The following B3GALNT2 variants were observed in gnomAD, a reference collection of about 807,000 sequenced individuals.
B3GALNT2 encodes the protein beta-1,3-N-acetylgalactosaminyltransferase 2.
In B3GALNT2, 53 loss-of-function variants were observed where a neutral mutation model predicts 61.1. The observed-to-expected ratio is 0.87, with a 90% CI of 0.70 to 1.09. The LOEUF (loss-of-function observed/expected upper bound fraction) is 1.09. Ranked by LOEUF, B3GALNT2 falls within the 50% of genes least tolerant of loss-of-function variation. The pLI is 0.00. For missense variants in B3GALNT2, 544 were observed against 623.0 expected (o/e 0.87, Z 1.35); for synonymous variants, 223 against 237.4 (o/e 0.94, Z 0.56).
the B3GALNT2 span, chr1:235,441,977 C>A: frequency 1.4e-5 from 15 of 1,083,968 alleles, no homozygotes; most frequent in East Asian, 2.5e-5. Flanking sequence ...CTCTTAAGTA[C>A]CTAAGTAAAT....
chr1:235,471,098 T>C (rs1683983149), intron 5 of B3GALNT2, 138 bp from the exon 6 acceptor site: 5 of 1,437,054 alleles, frequency 3.5e-6, no homozygotes, highest in Admixed American at 2.6e-5. Flanking sequence ...AACTCTGACA[T>C]ACCACTGTTA....
At chr1:235,457,396 T>G (rs1470685419) in intron 8 of B3GALNT2, among the ~76,000 whole-genome samples, 2 of 152,100 alleles carry the variant, frequency 1.3e-5, no homozygotes, top group African/African-American at 4.8e-5. Flanking sequence ...GTTTGAAAGT[T>G]TTGGCTCCAT....
intron 1 of B3GALNT2, among the ~76,000 whole-genome samples, chr1:235,497,859 G>A (rs1218111276): frequency 6.6e-6 from 1 of 152,128 alleles, no homozygotes; most frequent in Non-Finnish European, 1.5e-5. Context: ...AGATAACCAT[G>A]TGACATGTGA....
chr1:235,481,451 C>A (rs1684561364), intron 4 of B3GALNT2, among the ~76,000 whole-genome samples: 1 of 152,136 alleles, frequency 6.6e-6, no homozygotes, highest in Admixed American at 6.5e-5. Flanking sequence ...TCAAGTGATC[C>A]TCCCACCTCA....
At chr1:235,491,703 T>C (rs1685079568) in intron 2 of B3GALNT2, among the ~76,000 whole-genome samples, 1 of 152,138 alleles carries the variant, frequency 6.6e-6, no homozygotes, top group South Asian at 2.1e-4. Flanking sequence ...TCTCTGTAGA[T>C]CAGCCCCTCA....
intron 11 of B3GALNT2, 125 bp downstream of exon 11, chr1:235,452,965 C>G: frequency 1.2e-6 from 1 of 843,242 alleles, no homozygotes; most frequent in Non-Finnish European, 1.9e-6. Context: ...ATTCTAAAAT[C>G]CAAAAAAATC....
At chr1:235,492,601 A>G (rs1283083253) in intron 2 of B3GALNT2, among the ~76,000 whole-genome samples, 1 of 152,228 alleles carries the variant, frequency 6.6e-6, no homozygotes, top group African/African-American at 2.4e-5. Flanking sequence ...AAAAACCTGA[A>G]GCCCCAATGC....
chr1:235,481,619 C>T (rs537054924), intron 4 of B3GALNT2, among the ~76,000 whole-genome samples: 4 of 152,196 alleles, frequency 2.6e-5, no homozygotes, highest in African/African-American at 7.2e-5. Flanking sequence ...GCTGGGATTA[C>T]AGGCGTGAGC....
At chr1:235,481,682 A>C (rs115542174) in intron 4 of B3GALNT2, among the ~76,000 whole-genome samples, 1 of 152,196 alleles carries the variant, frequency 6.6e-6, no homozygotes, top group African/African-American at 2.4e-5. Context: ...TAAGATAAAC[A>C]AGTGTATCAA....
chr1:235,468,253 C>G (rs112515743), intron 6 of B3GALNT2, among the ~76,000 whole-genome samples: 2 of 152,144 alleles, frequency 1.3e-5, no homozygotes. Context: ...CTCAGCTGTA[C>G]GCATTTGTGA....
At position 235,470,734 on chromosome 1, in the gene B3GALNT2, AAC is replaced by A. The variant is rs540473438; in HGVS notation, c.762+114_762+115del. ...ACATTTGCTACTATATATGTTGTAAAACACACAAGAATCATTGCTCCATGCTG... is the reference window on the plus strand; with the variant it reads ...ACATTTGCTACTATATATGTTGTAAAACACAAGAATCATTGCTCCATGCTG... On this transcript the variant is annotated intron_variant, in intron 6 of 11. Transcript: ENST00000366600. 4.1e-4 allele frequency: 592 copies of A among 1,428,788 alleles called. 2 individuals carry two copies. In the African/African-American group the frequency reaches 7.9e-3, roughly 19 times the overall value. 88.5% of individuals were successfully genotyped at this position (1,428,788 alleles called of 1,614,324 possible).
intron 5 of B3GALNT2, among the ~76,000 whole-genome samples, chr1:235,477,749 C>T (rs749287177): frequency 3.3e-5 from 5 of 152,150 alleles, no homozygotes; most frequent in Admixed American, 2.0e-4. Context: ...GCTCTGTGCG[C>T]GGAGGGCAAA....
intron 2 of B3GALNT2, among the ~76,000 whole-genome samples, chr1:235,493,910 T>C (rs1253842755): frequency 2.0e-5 from 3 of 152,220 alleles, no homozygotes; most frequent in African/African-American, 7.2e-5. Flanking sequence ...TCAACTTCTA[T>C]GCGTTTCTTC....
intron 1 of B3GALNT2, among the ~76,000 whole-genome samples, chr1:235,498,145 G>C (rs1326352804): frequency 6.6e-6 from 1 of 152,166 alleles, no homozygotes; most frequent in East Asian, 1.9e-4. Context: ...CCTGAGTACT[G>C]TGTTACACAG....
rs1682818290 is a variant in B3GALNT2, at chr1:235,450,284, C to T, written c.1425G>A (p.Gln475=). Residue 475 remains glutamine (Q), a synonymous_variant, in exon 12 of 12, where the codon CAG becomes CAA. Coordinates refer to ENST00000366600, the MANE Select transcript of B3GALNT2 (RefSeq NM_152490.5). The part of the protein sequence containing the change: ...TCETGMLSSP[Q]YSPWELTELW... ...GTTCCGTCAGTTCCCACGGAGAATA[C>T]TGAGGAGAAGACAGCATTCCTGTCT... 3.7e-6 allele frequency: 6 copies of T among 1,613,988 alleles called. No homozygotes were observed. The highest frequency in any genetic ancestry group is 5.1e-6 in the Non-Finnish European group (6 of 1,179,858).
intron 3 of B3GALNT2, 72 bp from the exon 4 acceptor site, chr1:235,484,587 G>T: frequency 1.4e-6 from 2 of 1,473,418 alleles, no homozygotes; most frequent in East Asian, 2.5e-5. Flanking sequence ...AAGTAGTGAA[G>T]TGGGCTTAAT....
In B3GALNT2 at chr1:235,470,433, A is replaced by C. The variant is rs149972041; in HGVS notation, c.762+417T>G. Among the ~76,000 whole-genome samples, 966 of 152,122 alleles carry C rather than the reference A, an allele frequency of 6.4e-3. 7 individuals are homozygous for C. The highest frequency in any genetic ancestry group is 0.027 in the Middle Eastern group (8 of 294). The stretch of plus-strand genomic sequence containing the variant: ...TGGTGAAACCCCATCTCTACAAAAA[A>C]CACAAAAAGTTAGCTGGGTGTAGTG... On this transcript the variant is annotated intron_variant, in intron 6 of 11. Coordinates refer to ENST00000366600, the MANE Select transcript of B3GALNT2 (RefSeq NM_152490.5).
At position 235,464,175 on chromosome 1, in the gene B3GALNT2, G is replaced by C. The variant is rs1171140019; in HGVS notation, c.841+1461C>G. On this transcript the variant is annotated intron_variant, in intron 7 of 11. Transcript: ENST00000366600. ...CACAAATCTTTGTGACCTCACATTA[G>C]ACAATAGTTCCTTACATATGACAGC... is the stretch of plus-strand genomic sequence containing the variant. The C allele has an allele frequency of 3.3e-5, 5 of 152,138 alleles. No individual in the cohort carries two copies. The East Asian group carries it at 9.6e-4, about 29-fold the overall frequency. The allele number at this position is 152,138 out of a possible 1,614,324, so 9.4% of individuals were successfully genotyped here. A position where few individuals can be genotyped will look rare whatever the true frequency, so the allele number is the denominator to read the frequency against.
In B3GALNT2 at chr1:235,449,038, T is replaced by TTAAA. The variant is rs1156339434; in HGVS notation, c.*1164_*1167dup. 4 of 354,316 alleles carry TTAAA rather than the reference T, an allele frequency of 1.1e-5. No homozygotes were observed. The highest frequency in any genetic ancestry group is 8.5e-5 in the African/African-American group (4 of 47,256). The allele number at this position is 354,316 out of a possible 1,614,324, so 21.9% of individuals were successfully genotyped here. A position where few individuals can be genotyped will look rare whatever the true frequency, so the allele number is the denominator to read the frequency against. On this transcript the variant is annotated 3_prime_UTR_variant, in exon 12 of 12. Transcript: ENST00000366600. ...TGCATTTCATGATAAGATTTAAATA[T>TTAAA]TAAATAGAAAGAAACTAGCTAGCCT... is the stretch of plus-strand genomic sequence containing the variant.
Sources: gnomAD v4.1 joint callset for allele counts (sites outside exome capture counted in the v4.1 genomes callset) on GRCh38, gnomAD v4.1.1 for gene constraint, MANE v1.5 for transcripts, NCBI Gene and HGNC (gene_info 2026-07-23, HGNC 2026-07-21) for gene names.